Variants in CCSER1 observed in about 807,000 individuals in gnomAD.
CCSER1 encodes the protein coiled-coil serine rich protein 1.
In CCSER1, 41 loss-of-function variants were observed where a neutral mutation model predicts 82.0. That is an observed-to-expected ratio of 0.50 (90% CI 0.39 to 0.65). The LOEUF is 0.65. CCSER1 is among the 30% of genes least tolerant of loss of function. The pLI is 0.00. For synonymous variants in CCSER1, 414 were observed against 383.9 expected (o/e 1.08, Z -0.92); for missense variants, 1,119 against 1,064.2 (o/e 1.05, Z -0.72).
At chr4:90,698,591 T>C (rs984130393) in intron 6 of CCSER1, among the ~76,000 whole-genome samples, 3 of 152,192 alleles carry the variant, frequency 2.0e-5, no homozygotes, top group African/African-American at 4.8e-5. Context: ...ATTTCTATGA[T>C]ATAAATGATC....
chr4:91,214,463 T>A (rs183431418), intron 10 of CCSER1, among the ~76,000 whole-genome samples: 12 of 152,312 alleles, frequency 7.9e-5, no homozygotes, highest in Non-Finnish European at 1.2e-4. Flanking sequence ...CTCTAACATA[T>A]TAGTCTGTTA....
At chr4:91,508,713 A>G (rs1039661118) in intron 10 of CCSER1, among the ~76,000 whole-genome samples, 2 of 151,958 alleles carry the variant, frequency 1.3e-5, no homozygotes, top group East Asian at 3.8e-4. Flanking sequence ...CAATGAATTC[A>G]CCAGTGAAGG....
chr4:90,852,346 G>A (rs915601199), intron 8 of CCSER1, among the ~76,000 whole-genome samples: 7 of 152,214 alleles, frequency 4.6e-5, no homozygotes, highest in Non-Finnish European at 1.0e-4. Flanking sequence ...ACACTGTACA[G>A]TGTTGAGGAA....
intron 3 of CCSER1, among the ~76,000 whole-genome samples, chr4:90,314,602 A>G (rs1403215263): frequency 6.6e-6 from 1 of 151,900 alleles, no homozygotes; most frequent in Non-Finnish European, 1.5e-5. Flanking sequence ...AAAAAAATTT[A>G]ATAATTAGCT....
chr4:91,273,502 C>T (rs548536834), intron 10 of CCSER1, among the ~76,000 whole-genome samples: 65 of 152,164 alleles, frequency 4.3e-4, no homozygotes, highest in Non-Finnish European at 4.4e-4. Context: ...TAGGAGTTTT[C>T]TGGAGGAGTC....
intron 10 of CCSER1, among the ~76,000 whole-genome samples, chr4:91,538,698 C>CATATATTAT: frequency 2.1e-4 from 29 of 138,320 alleles, no homozygotes; most frequent in African/African-American, 6.0e-4. Flanking sequence ...TATATATACA[C>CATATATTAT]ATATATATAT....
chr4:90,920,357 G>T (rs1023559908), intron 8 of CCSER1, among the ~76,000 whole-genome samples: 2 of 151,848 alleles, frequency 1.3e-5, no homozygotes, highest in Non-Finnish European at 2.9e-5. Flanking sequence ...TTTTGGCATA[G>T]CATTCTATCC....
At chr4:90,842,818 T>G (rs1162486032) in intron 8 of CCSER1, among the ~76,000 whole-genome samples, 1 of 152,192 alleles carries the variant, frequency 6.6e-6, no homozygotes, top group African/African-American at 2.4e-5. Context: ...TATTCTGGTT[T>G]GTCCAAGACA....
intron 9 of CCSER1, among the ~76,000 whole-genome samples, chr4:91,049,161 AC>A (rs1211703985): frequency 1.3e-5 from 2 of 152,186 alleles, no homozygotes; most frequent in African/African-American, 4.8e-5. Flanking sequence ...GAGAAGGCCA[AC>A]AAAATAAGCA....
intron 8 of CCSER1, among the ~76,000 whole-genome samples, chr4:90,869,240 G>A (rs968847736): frequency 2.0e-5 from 3 of 152,016 alleles, no homozygotes; most frequent in African/African-American, 4.8e-5. Flanking sequence ...TTAGTTACCT[G>A]TGCTTTGGGG....
intron 1 of CCSER1, among the ~76,000 whole-genome samples, chr4:90,214,234 A>G (rs1200855663): frequency 6.6e-6 from 1 of 152,154 alleles, no homozygotes; most frequent in Non-Finnish European, 1.5e-5. Context: ...TTACATGGAC[A>G]GAGTTGCAAG....
At chr4:91,074,472 T>C (rs964734086) in intron 9 of CCSER1, among the ~76,000 whole-genome samples, 51 of 152,226 alleles carry the variant, frequency 3.4e-4, no homozygotes, top group African/African-American at 1.2e-3. Context: ...ATTTATACTA[T>C]AAATTATTTC....
chr4:90,408,668 C>T (rs1265108063), intron 4 of CCSER1, among the ~76,000 whole-genome samples: 1 of 152,116 alleles, frequency 6.6e-6, no homozygotes, highest in African/African-American at 2.4e-5. Context: ...GTAGATAAAA[C>T]CACAAAGATA....
chr4:91,505,562 C>G (rs1227308094), intron 10 of CCSER1, among the ~76,000 whole-genome samples: 1 of 152,182 alleles, frequency 6.6e-6, no homozygotes. Context: ...TTCCCACTGA[C>G]AGTGTAAAAA....
intron 5 of CCSER1, among the ~76,000 whole-genome samples, chr4:90,534,990 G>A (rs1422901800): frequency 3.3e-5 from 5 of 152,082 alleles, no homozygotes; most frequent in Non-Finnish European, 7.3e-5. Context: ...AAATCACCAG[G>A]TTATCTTATG....
chr4:91,471,400 C>G (rs902691850), intron 10 of CCSER1, among the ~76,000 whole-genome samples: 19 of 152,158 alleles, frequency 1.2e-4, no homozygotes, highest in African/African-American at 4.3e-4. Context: ...ATGGCTGAAA[C>G]AGTCAGACCT....
chr4:91,504,382 T>A (rs1056506033), intron 10 of CCSER1, among the ~76,000 whole-genome samples: 2 of 152,138 alleles, frequency 1.3e-5, no homozygotes, highest in Admixed American at 1.3e-4. Context: ...TTTCCTAAGT[T>A]GACAGAATGA....
chr4:90,818,502 C>G (rs1368250863), intron 8 of CCSER1, among the ~76,000 whole-genome samples: 3 of 152,094 alleles, frequency 2.0e-5, no homozygotes, highest in African/African-American at 4.8e-5. Flanking sequence ...GTCTTGAACT[C>G]CTTACCTCAA....
intron 4 of CCSER1, among the ~76,000 whole-genome samples, chr4:90,465,937 A>G (rs1175802390): frequency 6.6e-6 from 1 of 152,076 alleles, no homozygotes. Context: ...AAGAGGACTG[A>G]ATATACAGTA....
Sources: allele counts gnomAD v4.1 joint callset (sites outside exome capture counted in the v4.1 genomes callset), GRCh38; gene constraint gnomAD v4.1.1; transcripts MANE v1.5; gene names NCBI Gene and HGNC (gene_info 2026-07-23, HGNC 2026-07-21).